Variants in MYLK observed in about 807,000 individuals in gnomAD.
The protein encoded by MYLK is myosin light chain kinase, smooth muscle.
Under a neutral mutation model 203.4 loss-of-function variants are expected in MYLK, and 106 were observed. That is an observed-to-expected ratio of 0.52 (90% CI 0.45 to 0.61). MYLK has a LOEUF of 0.61. Among genes scored for constraint, MYLK ranks in the 20% least tolerant of loss-of-function variants. The pLI is 0.00. For synonymous variants in MYLK, 867 were observed against 959.5 expected (o/e 0.90, Z 1.78); for missense variants, 2,072 against 2,442.3 (o/e 0.85, Z 3.20).
At position 123,611,566 on chromosome 3, in the gene MYLK, T is replaced by C. The variant is rs1421752763; in HGVS notation, c.*2539A>G. ...TTTTTGGCACCAGGGACCACTTTCA[T>C]GGAAGACAGTTTTTCCATGGACCAG... On this transcript the variant is annotated 3_prime_UTR_variant, in exon 34 of 34. Transcript: ENST00000360304. 2 of 152,240 alleles carry C rather than the reference T, an allele frequency of 1.3e-5. No individual in the cohort carries two copies. The highest frequency in any genetic ancestry group is 2.9e-5 in the Non-Finnish European group (2 of 68,078). The allele number at this position is 152,240 out of a possible 1,614,324, so 9.4% of individuals were successfully genotyped here.
rs376318427 is a variant in MYLK, at chr3:123,710,664, A to G, written c.1805-771T>C. The stretch of plus-strand genomic sequence containing the variant: ...CAGAACCTTCTGAAAACATTTTGGC[A>G]GTTTCTTAAAAAGTTAAACATATAC... On this transcript the variant is annotated intron_variant, in intron 13 of 33. Coordinates refer to ENST00000360304, the MANE Select transcript of MYLK (RefSeq NM_053025.4). Among the ~76,000 whole-genome samples the G allele has an allele frequency of 3.1e-4, 47 of 152,332 alleles. No individual in the cohort carries two copies. The South Asian group carries it at 9.5e-3, about 31-fold the overall frequency.
At chr3:123,655,667 C>G (rs889565614) in intron 24 of MYLK, among the ~76,000 whole-genome samples, 7 of 152,198 alleles carry the variant, frequency 4.6e-5, no homozygotes, top group African/African-American at 2.4e-5. Context: ...CAAAGGAGCA[C>G]AAGCTTCAGG....
At chr3:123,708,626 T>C in intron 15 of MYLK, 72 bp downstream of exon 15, 5 of 1,574,950 alleles carry the variant, frequency 3.2e-6, no homozygotes, top group South Asian at 2.3e-5. Context: ...GTGGTTTCCT[T>C]GCCTCCAAAT....
intron 19 of MYLK, chr3:123,691,566 A>G (rs1198298299): frequency 3.9e-5 from 6 of 152,200 alleles, no homozygotes; most frequent in Non-Finnish European, 7.3e-5. Flanking sequence ...CCCATTCATC[A>G]TGTTCCATAG....
intron 24 of MYLK, among the ~76,000 whole-genome samples, chr3:123,651,585 G>C (rs2059212837): frequency 6.6e-6 from 1 of 152,168 alleles, no homozygotes; most frequent in Non-Finnish European, 1.5e-5. Context: ...ATGGAGACCA[G>C]TGTATTCCAA....
intron 19 of MYLK, 106 bp from the exon 20 acceptor site, chr3:123,682,416 AG>A (rs2060300840): frequency 1.1e-6 from 1 of 912,718 alleles, no homozygotes; most frequent in African/African-American, 1.6e-5. Flanking sequence ...CCCAACTCTG[AG>A]GGCCCTTTGT....
chr3:123,683,643 T>C (rs1422309135), intron 19 of MYLK, among the ~76,000 whole-genome samples: 1 of 152,140 alleles, frequency 6.6e-6, no homozygotes, highest in Non-Finnish European at 1.5e-5. Flanking sequence ...CTCTCTGCTA[T>C]GGGTAATCCA....
intron 4 of MYLK, among the ~76,000 whole-genome samples, chr3:123,774,375 C>T (rs1281654017): frequency 6.6e-6 from 1 of 152,098 alleles, no homozygotes; most frequent in East Asian, 1.9e-4. Flanking sequence ...GCTGTACAAG[C>T]ATGGACGGGG....
chr3:123,814,031 TC>T (rs2065655105), intron 3 of MYLK: 1 of 197,628 alleles, frequency 5.1e-6, no homozygotes, highest in Admixed American at 5.5e-5. Flanking sequence ...CTCCCATGTC[TC>T]CCTAAGTCTA....
chr3:123,793,979 C>T, intron 3 of MYLK, 135 bp from the exon 4 acceptor site: 4 of 896,720 alleles, frequency 4.5e-6, no homozygotes, highest in Non-Finnish European at 7.1e-6. Flanking sequence ...CAGTGTCCAC[C>T]CACAGCTCCT....
intron 2 of MYLK, among the ~76,000 whole-genome samples, chr3:123,864,798 G>A (rs981057050): frequency 2.6e-5 from 4 of 152,080 alleles, no homozygotes; most frequent in Middle Eastern, 3.2e-3. Context: ...CCAGCTACTC[G>A]GGAAGCTAAA....
At chr3:123,855,966 C>A (rs377203996) in intron 2 of MYLK, among the ~76,000 whole-genome samples, 1 of 152,168 alleles carries the variant, frequency 6.6e-6, no homozygotes, top group African/African-American at 2.4e-5. Context: ...CGAGTGTAAA[C>A]ATTTCAGGTA....
chr3:123,780,209 G>A (rs902253742), intron 4 of MYLK, among the ~76,000 whole-genome samples: 12 of 152,286 alleles, frequency 7.9e-5, no homozygotes, highest in Admixed American at 7.8e-4. Flanking sequence ...CTAGGTGGGT[G>A]GATCACCTGA....
At chr3:123,671,835 A>G (rs1560049396) in intron 20 of MYLK, among the ~76,000 whole-genome samples, 2 of 152,042 alleles carry the variant, frequency 1.3e-5, no homozygotes, top group Non-Finnish European at 1.5e-5. Context: ...GGGAGACCAG[A>G]TGGGATATGG....
intron 4 of MYLK, among the ~76,000 whole-genome samples, chr3:123,760,842 G>A (rs1287619172): frequency 1.3e-5 from 2 of 152,166 alleles, no homozygotes; most frequent in Non-Finnish European, 2.9e-5. Context: ...AATTTGAAAA[G>A]TGATCCTTGT....
chr3:123,632,364 GCAGTACTC>G lies in MYLK; in HGVS notation c.4962-2746_4962-2739del, dbSNP rs766102266. On this transcript the variant is annotated intron_variant, in intron 29 of 33. Transcript: ENST00000360304. ...TGGAAACAGAGAGGGGGGAAGTCCG[GCAGTACTC>G]CAAAAGATGGCAGGAAAAGCAAACA... is the stretch of plus-strand genomic sequence containing the variant. Among the ~76,000 whole-genome samples, 174 of 152,318 alleles carry G rather than the reference GCAGTACTC, an allele frequency of 1.1e-3. 1 individual carries two copies. The highest frequency in any genetic ancestry group is 1.8e-3 in the Non-Finnish European group (121 of 68,038).
chr3:123,781,330 T>C (rs891657305), intron 4 of MYLK, among the ~76,000 whole-genome samples: 3 of 152,208 alleles, frequency 2.0e-5, no homozygotes, highest in African/African-American at 7.2e-5. Context: ...CCAGTAACTC[T>C]GCCCTCCAGT....
intron 2 of MYLK, among the ~76,000 whole-genome samples, chr3:123,833,470 C>G (rs2066397889): frequency 6.6e-6 from 1 of 152,100 alleles, no homozygotes; most frequent in Non-Finnish European, 1.5e-5. Context: ...CTGCTTTCTA[C>G]CAGCCAGAGG....
In MYLK at chr3:123,631,412, A is replaced by G. The variant is rs557565886; in HGVS notation, c.4962-1786T>C. Among the ~76,000 whole-genome samples, 75 of 145,268 alleles carry G rather than the reference A, an allele frequency of 5.2e-4. 1 individual carries two copies. In the South Asian group the frequency reaches 0.014, roughly 27 times the overall value. On this transcript the variant is annotated intron_variant, in intron 29 of 33. Coordinates refer to ENST00000360304, the MANE Select transcript of MYLK (RefSeq NM_053025.4). ...ACTCAATCTCAAAAAAAAAAAAAAA[A>G]AGAGAGATGGGTCTGGGGCCCTCCT... is the stretch of plus-strand genomic sequence containing the variant.
Sources: allele counts gnomAD v4.1 joint callset (sites outside exome capture counted in the v4.1 genomes callset), GRCh38; gene constraint gnomAD v4.1.1; transcripts MANE v1.5; gene names NCBI Gene and HGNC (gene_info 2026-07-23, HGNC 2026-07-21).